CENPF: variants seen among roughly 807,000 people sequenced by gnomAD.
The protein encoded by CENPF is AH antigen.
A neutral mutation model predicts 307.3 loss-of-function variants in CENPF; 214 were observed. The ratio of observed to expected loss-of-function variants is 0.70; its 90% CI spans 0.62 to 0.78. The LOEUF (loss-of-function observed/expected upper bound fraction) is 0.78. CENPF is among the 30% of genes least tolerant of loss of function. The pLI is 0.00. For synonymous variants in CENPF, 1,259 were observed against 1,270.6 expected (o/e 0.99, Z 0.19); for missense variants, 3,401 against 3,483.9 (o/e 0.98, Z 0.60).
chr1:214,611,197 T>A (rs1657191583), intron 1 of CENPF, among the ~76,000 whole-genome samples: 1 of 152,158 alleles, frequency 6.6e-6, no homozygotes, highest in Non-Finnish European at 1.5e-5. Flanking sequence ...TTTAAAATAG[T>A]TTTTTCTAGT....
chr1:214,653,861 TAGAA>T (rs952567613), intron 16 of CENPF: 5 of 152,164 alleles, frequency 3.3e-5, no homozygotes, highest in Non-Finnish European at 7.4e-5. Context: ...GGTTTAATAA[TAGAA>T]GGAAGTAGCA....
In CENPF at chr1:214,664,014, A is replaced by C. The variant is rs1658855156; in HGVS notation, c.*220A>C. The C allele has an allele frequency of 1.9e-6, 1 of 533,404 alleles. No homozygotes were observed. Among genetic ancestry groups the C allele is most frequent in the African/African-American group, 1.9e-5 (1 of 53,140 alleles). The allele number at this position is 533,404 out of a possible 1,614,324, so 33.0% of individuals were successfully genotyped here. ...GTTAGCATTGCCATTCCTCTACTGC[A>C]ATGTAAATAGTATAAAGCTATGTAT... On this transcript the variant is annotated 3_prime_UTR_variant, in exon 20 of 20. Coordinates refer to ENST00000366955, the MANE Select transcript of CENPF (RefSeq NM_016343.4).
intron 11 of CENPF, 74 bp downstream of exon 11, chr1:214,638,075 A>T: frequency 1.4e-6 from 2 of 1,397,260 alleles, no homozygotes; most frequent in Non-Finnish European, 1.9e-6. Context: ...TGGCATTAAC[A>T]TATTAGAGAA....
At chr1:214,634,924 A>G (rs999719877) in intron 10 of CENPF, among the ~76,000 whole-genome samples, 1 of 152,224 alleles carries the variant, frequency 6.6e-6, no homozygotes, top group African/African-American at 2.4e-5. Flanking sequence ...TGCTGCTCAC[A>G]ATGAGAAATT....
At chr1:214,647,551 A>G (rs1658348381) in intron 13 of CENPF, 151 bp downstream of exon 13, 1 of 865,632 alleles carries the variant, frequency 1.2e-6, no homozygotes, top group African/African-American at 1.7e-5. Context: ...CTGGGTCTTG[A>G]ATTGCAGAAA....
Position 214,648,704 on chromosome 1 carries a change from G to A in CENPF, c.7860G>A (p.Glu2620=), listed in dbSNP as rs754420065. The part of the protein sequence containing the change: ...KVNKMTAKET[E]LQREMHEMAQ... Reference sequence around the variant, plus strand: ...ACAAAATGACTGCAAAGGAAACTGAGCTGCAGAGGGAAATGCATGAGATGG... The same window carrying A: ...ACAAAATGACTGCAAAGGAAACTGAACTGCAGAGGGAAATGCATGAGATGG... The change falls in exon 14 of 20, where the codon GAG becomes GAA. Residue 2620 remains glutamate, a synonymous_variant. Coordinates refer to ENST00000366955, the MANE Select transcript of CENPF (RefSeq NM_016343.4). 1.9e-6 allele frequency: 3 copies of A among 1,613,608 alleles called. No homozygotes were observed. Among genetic ancestry groups the A allele is most frequent in the East Asian group, 4.5e-5 (2 of 44,834 alleles).
At chr1:214,608,634 G>A in intron 1 of CENPF, 1 of 1,605,106 alleles carries the variant, frequency 6.2e-7, no homozygotes, top group Non-Finnish European at 8.5e-7. Flanking sequence ...GCTCCGTCAG[G>A]TGCAGCTTCC....
At chr1:214,647,445 CA>C in intron 13 of CENPF, 45 bp downstream of exon 13, 1 of 1,526,438 alleles carries the variant, frequency 6.6e-7, no homozygotes, top group Non-Finnish European at 8.8e-7. Flanking sequence ...AGTCATGAGG[CA>C]GGAAACCATA....
Position 214,641,880 on chromosome 1 carries a change from G to A in CENPF, c.3542G>A (p.Arg1181Lys). ...SEPIRNSVKE[R>K]ESERNQCNFK... Reference sequence around the variant, plus strand: ...CCAATTAGGAACTCTGTGAAAGAAAGAGAGAGTGAGAGAAATCAATGTAAT... The same window carrying A: ...CCAATTAGGAACTCTGTGAAAGAAAAAGAGAGTGAGAGAAATCAATGTAAT... Residue 1181 changes from arginine to lysine, a missense_variant, in exon 12 of 20, where the codon AGA becomes AAA. Arg to Lys is a conservative substitution (Grantham distance 26). Coordinates refer to ENST00000366955, the MANE Select transcript of CENPF (RefSeq NM_016343.4). 6.3e-7 allele frequency: 1 copy of A among 1,595,738 alleles called. No individual in the cohort carries two copies. The highest frequency in any genetic ancestry group is 8.5e-7 in the Non-Finnish European group (1 of 1,175,228).
intron 1 of CENPF, chr1:214,605,673 C>A (rs1453163972): frequency 5.7e-6 from 9 of 1,581,160 alleles, no homozygotes; most frequent in Admixed American, 1.8e-5. Context: ...TTGGTGCCGC[C>A]GCTAGGCGAG....
At chr1:214,605,443 T>G (rs535923081) in intron 1 of CENPF, 1 of 460,046 alleles carries the variant, frequency 2.2e-6, no homozygotes, top group Non-Finnish European at 3.9e-6. Flanking sequence ...TCCGCTTTGT[T>G]TTTTTTTTTT....
intron 11 of CENPF, 96 bp downstream of exon 11, chr1:214,638,097 T>G (rs1477005414): frequency 4.0e-6 from 5 of 1,259,856 alleles, no homozygotes; most frequent in African/African-American, 1.5e-5. Context: ...CTCTTTGGAT[T>G]TTTTTTCATA....
chr1:214,655,211 G>T, intron 16 of CENPF, 30 bp from the exon 17 acceptor site: 1 of 1,453,136 alleles, frequency 6.9e-7, no homozygotes, highest in African/African-American at 1.4e-5. Flanking sequence ...GAAATTCAAG[G>T]TTTTAAATGG....
At chr1:214,605,335 C>G (rs1656991906) in intron 1 of CENPF, 1 of 265,440 alleles carries the variant, frequency 3.8e-6, no homozygotes, top group South Asian at 5.4e-5. Flanking sequence ...AAGTCACCAT[C>G]ATTATTATCC....
In CENPF at chr1:214,642,222, C is replaced by T. The variant is rs1018587473; in HGVS notation, c.3884C>T (p.Thr1295Ile). The T allele has an allele frequency of 1.9e-6, 3 of 1,613,948 alleles. No homozygotes were observed. The highest frequency in any genetic ancestry group is 2.5e-6 in the Non-Finnish European group (3 of 1,180,016). ...GCACACCTTCAGTGCTCTCTGCAAA[C>T]AACAATGAACAAGCTGAATGAGCTA... The part of the protein sequence containing the change: ...DNAHLQCSLQ[T>I]TMNKLNELEK... Residue 1295 changes from threonine to isoleucine, a missense_variant, in exon 12 of 20, where the codon ACA (threonine) becomes ATA (isoleucine). Coordinates refer to ENST00000366955, the MANE Select transcript of CENPF (RefSeq NM_016343.4).
At chr1:214,654,723 A>C (rs766699245) in intron 16 of CENPF, among the ~76,000 whole-genome samples, 3 of 152,128 alleles carry the variant, frequency 2.0e-5, no homozygotes, top group Non-Finnish European at 2.9e-5. Context: ...GTATGAGGAC[A>C]CAATTCTCCC....
rs1439435868 is a variant in CENPF at position 214,663,807 on chromosome 1, T to C, written c.*13T>C. 1 of 1,608,530 alleles carries C rather than the reference T, an allele frequency of 6.2e-7. No individual in the cohort carries two copies. The highest frequency in any genetic ancestry group is 1.7e-5 in the Admixed American group (1 of 59,876). On this transcript the variant is annotated 3_prime_UTR_variant, in exon 20 of 20. Coordinates refer to ENST00000366955, the MANE Select transcript of CENPF (RefSeq NM_016343.4). Reference sequence around the variant, plus strand: ...TAAGGTCCAGTGAAGGCACTTTGTGTGTCAGTACCCCTGGGAGGTGCCAGT... The same window carrying C: ...TAAGGTCCAGTGAAGGCACTTTGTGCGTCAGTACCCCTGGGAGGTGCCAGT...
At chr1:214,606,492 A>C (rs1407794348) in intron 1 of CENPF, among the ~76,000 whole-genome samples, 1 of 152,034 alleles carries the variant, frequency 6.6e-6, no homozygotes, top group Admixed American at 6.5e-5. Context: ...TTCCTGGTGC[A>C]CTGGCCAGGA....
chr1:214,612,720 G>A (rs775104299), intron 1 of CENPF, among the ~76,000 whole-genome samples: 4 of 152,152 alleles, frequency 2.6e-5, no homozygotes, highest in Non-Finnish European at 5.9e-5. Flanking sequence ...TCAAGTATGT[G>A]GACAGGATGT....
Sources: gnomAD v4.1 joint callset for allele counts (sites outside exome capture counted in the v4.1 genomes callset) on GRCh38, gnomAD v4.1.1 for gene constraint, MANE v1.5 for transcripts, NCBI Gene and HGNC (gene_info 2026-07-23, HGNC 2026-07-21) for gene names.